Variants in ADARB2 observed in about 807,000 individuals in gnomAD.
ADARB2 encodes the protein adenosine deaminase RNA specific B2 (inactive).
In ADARB2, 25 loss-of-function variants were observed where a neutral mutation model predicts 62.2. The observed-to-expected ratio is 0.40, with a 90% CI of 0.29 to 0.56. The LOEUF is 0.56. ADARB2 is among the 20% of genes least tolerant of loss of function. The pLI is 0.43. For synonymous variants in ADARB2, 572 were observed against 500.8 expected (o/e 1.14, Z -1.90); for missense variants, 1,071 against 1,077.4 (o/e 0.99, Z 0.08).
chr10:1,547,694 G>A, intron 1 of ADARB2, among the ~76,000 whole-genome samples: 1 of 100,178 alleles, frequency 1.0e-5, no homozygotes. Context: ...GGCAGAGGCT[G>A]CACTGGCGTA....
intron 1 of ADARB2, among the ~76,000 whole-genome samples, chr10:1,639,062 T>A (rs942378893): frequency 2.0e-5 from 3 of 152,130 alleles, no homozygotes; most frequent in African/African-American, 7.2e-5. Context: ...GCAGTCAGGG[T>A]GGAAACAGCA....
chr10:1,676,048 T>C (rs1834463349), intron 1 of ADARB2: 1 of 985,296 alleles, frequency 1.0e-6, no homozygotes, highest in Non-Finnish European at 1.2e-6. Flanking sequence ...ACTCTTGACC[T>C]GAGCCCCTGT....
chr10:1,673,264 AG>A (rs1834415352), intron 1 of ADARB2, among the ~76,000 whole-genome samples: 1 of 152,050 alleles, frequency 6.6e-6, no homozygotes, highest in Non-Finnish European at 1.5e-5. Context: ...TATGTATAAT[AG>A]ATCATATATA....
chr10:1,689,225 A>G (rs1834636891), intron 1 of ADARB2, among the ~76,000 whole-genome samples: 1 of 152,152 alleles, frequency 6.6e-6, no homozygotes, highest in African/African-American at 2.4e-5. Context: ...GCAGTGAGCT[A>G]ACTTGCATTT....
At chr10:1,186,887 G>A (rs78648005) in intron 8 of ADARB2, among the ~76,000 whole-genome samples, 2,719 of 152,320 alleles carry the variant, frequency 0.018, 98 homozygotes, top group African/African-American at 0.061. Flanking sequence ...CCCACGTCAC[G>A]TGGTAGCACA....
chr10:1,445,444 TCCATCCACCCAC>T (rs1415956291), intron 1 of ADARB2, among the ~76,000 whole-genome samples: 4 of 151,210 alleles, frequency 2.6e-5, no homozygotes, highest in Admixed American at 6.6e-5. Context: ...CATCTATCCA[TCCATCCACCCAC>T]CCATCCACCC....
chr10:1,367,244 C>T (rs920533638), intron 2 of ADARB2, among the ~76,000 whole-genome samples: 1 of 152,234 alleles, frequency 6.6e-6, no homozygotes, highest in Non-Finnish European at 1.5e-5. Flanking sequence ...CTATCACCAC[C>T]ACCTGGGTTC....
chr10:1,682,599 GC>G (rs773335089), intron 1 of ADARB2, among the ~76,000 whole-genome samples: 89 of 152,106 alleles, frequency 5.9e-4, no homozygotes, highest in Non-Finnish European at 9.4e-4. Flanking sequence ...TTTCCGAATG[GC>G]AACTGCATCT....
At chr10:1,301,155 G>A (rs1348272929) in intron 3 of ADARB2, among the ~76,000 whole-genome samples, 1 of 152,238 alleles carries the variant, frequency 6.6e-6, no homozygotes, top group Non-Finnish European at 1.5e-5. Flanking sequence ...TTATGGTACT[G>A]ATGATAAAAT....
At chr10:1,353,431 C>G (rs1003024108) in intron 3 of ADARB2, among the ~76,000 whole-genome samples, 1 of 152,058 alleles carries the variant, frequency 6.6e-6, no homozygotes, top group Non-Finnish European at 1.5e-5. Flanking sequence ...CATCTCTTGT[C>G]TCCCTACACT....
intron 1 of ADARB2, among the ~76,000 whole-genome samples, chr10:1,554,847 G>C (rs1490835055): frequency 6.6e-6 from 1 of 152,100 alleles, no homozygotes; most frequent in African/African-American, 2.4e-5. Context: ...TCGTGCCCCA[G>C]GTAGTGAGCA....
At chr10:1,281,963 T>C (rs924587624) in intron 3 of ADARB2, among the ~76,000 whole-genome samples, 4 of 152,198 alleles carry the variant, frequency 2.6e-5, no homozygotes, top group African/African-American at 9.7e-5. Flanking sequence ...CTAATTAAAA[T>C]GTAGAGAGAT....
chr10:1,470,734 G>C (rs1292372945), intron 1 of ADARB2, among the ~76,000 whole-genome samples: 3 of 152,186 alleles, frequency 2.0e-5, no homozygotes, highest in Non-Finnish European at 4.4e-5. Flanking sequence ...CCAGAGAAAA[G>C]AGAACCTATA....
chr10:1,605,292 C>T (rs1833480770), intron 1 of ADARB2, among the ~76,000 whole-genome samples: 1 of 152,196 alleles, frequency 6.6e-6, no homozygotes, highest in African/African-American at 2.4e-5. Flanking sequence ...TGAGGGTTTG[C>T]TGGTCACTGA....
intron 7 of ADARB2, among the ~76,000 whole-genome samples, chr10:1,209,360 G>A (rs554226570): frequency 0.014 from 1,333 of 95,862 alleles, 22 homozygotes; most frequent in African/African-American, 0.052. Flanking sequence ...TGCCTACACC[G>A]TCACCCATGC....
At chr10:1,246,295 C>A (rs1265339282) in intron 4 of ADARB2, among the ~76,000 whole-genome samples, 1 of 150,208 alleles carries the variant, frequency 6.7e-6, no homozygotes, top group Non-Finnish European at 1.5e-5. Flanking sequence ...GTTGCCTGTT[C>A]ACTCTGATGG....
chr10:1,192,900 G>C (rs538048870), intron 8 of ADARB2, among the ~76,000 whole-genome samples: 1 of 152,246 alleles, frequency 6.6e-6, no homozygotes, highest in Non-Finnish European at 1.5e-5. Context: ...CCGAGATCGC[G>C]CCACTGCATT....
intron 1 of ADARB2, chr10:1,526,890 T>G (rs1166003810): frequency 2.0e-6 from 1 of 498,962 alleles, no homozygotes; most frequent in Non-Finnish European, 4.2e-6. Flanking sequence ...AGCCTCACAG[T>G]TCCCCACAGG....
intron 1 of ADARB2, among the ~76,000 whole-genome samples, chr10:1,478,325 G>C (rs1369982970): frequency 6.6e-6 from 1 of 152,206 alleles, no homozygotes; most frequent in Non-Finnish European, 1.5e-5. Flanking sequence ...CCTGGCGTTG[G>C]CACACGGCAT....
Sources: allele counts gnomAD v4.1 joint callset (sites outside exome capture counted in the v4.1 genomes callset), GRCh38; gene constraint gnomAD v4.1.1; transcripts MANE v1.5; gene names NCBI Gene and HGNC (gene_info 2026-07-23, HGNC 2026-07-21).